Variants in RBFOX3 observed in about 807,000 individuals in gnomAD.
RBFOX3 encodes the protein RNA binding protein fox-1 homolog 3.
A neutral mutation model predicts 48.7 loss-of-function variants in RBFOX3; 17 were observed. The observed-to-expected ratio is 0.35, with a 90% confidence interval of 0.24 to 0.52. The LOEUF (loss-of-function observed/expected upper bound fraction) is 0.52. Ranked by LOEUF, RBFOX3 falls within the 20% of genes least tolerant of loss-of-function variation. The probability of loss-of-function intolerance (pLI) is 0.94; values close to 1 mark genes in which losing one functional copy is unlikely to be tolerated. For missense variants in RBFOX3, 382 were observed against 497.5 expected, an observed-to-expected ratio of 0.77 and a Z score of 2.21; for synonymous variants, 212 against 209.5, an observed-to-expected ratio of 1.01 and a Z score of -0.10.
At chr17:79,258,985 T>C (rs1365948444) in intron 3 of RBFOX3, among the ~76,000 whole-genome samples, 10 of 152,240 alleles carry the variant, frequency 6.6e-5, no homozygotes. Context: ...AGCCTGCTCT[T>C]TCTAAGTGGC....
At chr17:79,624,006 C>G in the RBFOX3 span, among the ~76,000 whole-genome samples, 4 of 152,070 alleles carry the variant, frequency 2.6e-5, no homozygotes, top group Non-Finnish European at 4.4e-5. Context: ...AGAAGAGGCC[C>G]GGAAACAGAC....
chr17:79,123,201 T>C (rs368301068), intron 4 of RBFOX3, among the ~76,000 whole-genome samples: 50 of 152,292 alleles, frequency 3.3e-4, no homozygotes, highest in Non-Finnish European at 4.6e-4. Flanking sequence ...TAAAAATCAC[T>C]GAAAGAGCAT....
chr17:79,426,450 C>T (rs958318711), intron 2 of RBFOX3, among the ~76,000 whole-genome samples: 2 of 152,170 alleles, frequency 1.3e-5, no homozygotes, highest in African/African-American at 2.4e-5. Flanking sequence ...GCAGGCAGGC[C>T]GGGAGCACTC....
At chr17:79,611,195 CTCTCTCTCTCTCTCTCT>C (rs2093966344), upstream of RBFOX3, among the ~76,000 whole-genome samples, 1 of 132,568 alleles carries the variant, frequency 7.5e-6, no homozygotes, top group Admixed American at 7.9e-5. Context: ...CTCTCTCTCT[CTCTCTCTCTCTCTCTCT>C]CGTTCCTCTG....
intron 1 of RBFOX3, among the ~76,000 whole-genome samples, chr17:79,494,847 C>T (rs1209793486): frequency 6.6e-6 from 1 of 152,218 alleles, no homozygotes; most frequent in African/African-American, 2.4e-5. Context: ...TCCAGGGCCA[C>T]AGCCTGAGAT....
rs1179822915 is a variant in RBFOX3 at position 79,468,767 on chromosome 17, GGATA to G, written c.-175+13683_-175+13686del. On this transcript the variant is annotated intron_variant, in intron 2 of 14. Transcript: ENST00000693108. ...CAGATAGACAGGAGGATGGATGGAT[GGATA>G]GATAGATAGATAGGAAGATAGATGG... 2.8e-3 allele frequency among the ~76,000 whole-genome samples: 413 copies of G among 149,952 alleles called. 3 individuals carry two copies. Among genetic ancestry groups the G allele is most frequent in the African/African-American group, 9.2e-3 (374 of 40,714 alleles).
chr17:79,186,653 C>T (rs1417866414), intron 4 of RBFOX3, among the ~76,000 whole-genome samples: 1 of 149,978 alleles, frequency 6.7e-6, no homozygotes, highest in Non-Finnish European at 1.5e-5. Context: ...GAAGAGCTGT[C>T]ACTCCAGTGC....
intron 2 of RBFOX3, among the ~76,000 whole-genome samples, chr17:79,447,421 T>C (rs1458133732): frequency 1.3e-5 from 2 of 152,320 alleles, no homozygotes; most frequent in East Asian, 3.9e-4. Flanking sequence ...GAGTGCCGGC[T>C]TCATCTGGAA....
chr17:79,218,309 G>A (rs1020196969), intron 4 of RBFOX3, among the ~76,000 whole-genome samples: 2 of 152,154 alleles, frequency 1.3e-5, no homozygotes, highest in African/African-American at 4.8e-5. Flanking sequence ...GACAGCAGGA[G>A]AGGAGGAGGA....
At chr17:79,467,757 A>G (rs896248102) in intron 2 of RBFOX3, among the ~76,000 whole-genome samples, 2 of 152,066 alleles carry the variant, frequency 1.3e-5, no homozygotes, top group Admixed American at 6.5e-5. Context: ...CCTCCCTGGG[A>G]TCACTATGGT....
chr17:79,244,288 G>A (rs190320199), intron 3 of RBFOX3, among the ~76,000 whole-genome samples: 124 of 152,218 alleles, frequency 8.1e-4, no homozygotes, highest in Admixed American at 1.3e-3. Flanking sequence ...AGGCTAGGGC[G>A]CGCTGAAAAC....
chr17:79,397,439 G>A (rs2377469), intron 2 of RBFOX3, among the ~76,000 whole-genome samples: 4 of 151,080 alleles, frequency 2.6e-5, no homozygotes, highest in Non-Finnish European at 1.5e-5. Context: ...GTTGCAGTGA[G>A]CCAAGATAAT....
intron 2 of RBFOX3, among the ~76,000 whole-genome samples, chr17:79,351,600 C>G (rs2083953658): frequency 1.3e-5 from 2 of 152,156 alleles, no homozygotes; most frequent in African/African-American, 4.8e-5. Context: ...TGTGGAGCAT[C>G]TTCTCATGTG....
At chr17:79,105,621 C>T (rs140623173) in intron 6 of RBFOX3, among the ~76,000 whole-genome samples, 5 of 152,272 alleles carry the variant, frequency 3.3e-5, no homozygotes, top group Admixed American at 6.5e-5. Flanking sequence ...CTAGGGATCA[C>T]GTCAGGGGGT....
intron 4 of RBFOX3, among the ~76,000 whole-genome samples, chr17:79,153,773 A>G (rs2045135506): frequency 6.6e-6 from 1 of 152,150 alleles, no homozygotes; most frequent in South Asian, 2.1e-4. Context: ...CACCTTTGGC[A>G]ATGGGCTTTC....
chr17:79,101,758 T>G lies in RBFOX3; in HGVS notation c.508-114A>C, dbSNP rs1422830629. On this transcript the variant is annotated intron_variant, in intron 8 of 14. Transcript: ENST00000693108. ...GCCCCCGGCACCCCCCGCCCCAGCC[T>G]CCTCTCTCCACCATGCTGCCTGCCC... The G allele has an allele frequency of 3.5e-5, 31 of 879,002 alleles. No homozygotes were observed. In the East Asian group the frequency reaches 8.3e-4, roughly 23 times the overall value. 54.5% of individuals were successfully genotyped at this position (879,002 alleles called of 1,614,324 possible).
chr17:79,359,528 T>G (rs2085888100), intron 2 of RBFOX3, among the ~76,000 whole-genome samples: 1 of 152,200 alleles, frequency 6.6e-6, no homozygotes, highest in South Asian at 2.1e-4. Context: ...GCCTCCCCGC[T>G]GGCTCCTAAT....
chr17:79,280,486 C>T (rs1239435148), intron 3 of RBFOX3, among the ~76,000 whole-genome samples: 2 of 152,196 alleles, frequency 1.3e-5, no homozygotes, highest in African/African-American at 4.8e-5. Flanking sequence ...CGAGGCCTCC[C>T]ACACCGGAGC....
At chr17:79,318,854 C>CAAAAAAA (rs71161660) in intron 2 of RBFOX3, among the ~76,000 whole-genome samples, 2 of 32,524 alleles carry the variant, frequency 6.1e-5, no homozygotes, top group African/African-American at 1.4e-4. Context: ...GACTCCATCT[C>CAAAAAAA]AAAAAAAAAA....
Sources: allele counts gnomAD v4.1 joint callset (sites outside exome capture counted in the v4.1 genomes callset), GRCh38; gene constraint gnomAD v4.1.1; transcripts MANE v1.5; gene names NCBI Gene and HGNC (gene_info 2026-07-23, HGNC 2026-07-21).